PAN3: variants seen among roughly 807,000 people sequenced by gnomAD.
PAN3 encodes PAN2-PAN3 deadenylation complex subunit PAN3.
In PAN3, 19 loss-of-function variants were observed where a neutral mutation model predicts 96.2. That is an observed-to-expected ratio of 0.20 (90% CI 0.14 to 0.29). The LOEUF (loss-of-function observed/expected upper bound fraction) is 0.29, where lower values mean the gene tolerates loss of function less well. PAN3 is among the 10% of genes least tolerant of loss of function. The pLI, the probability that PAN3 is intolerant of heterozygous loss-of-function variation, is 1.00. For missense variants in PAN3, 882 were observed against 1,108.1 expected (o/e 0.80, Z 2.90); for synonymous variants, 433 against 406.6 (o/e 1.06, Z -0.78).
chr13:28,222,372 A>G (rs942833164), intron 6 of PAN3, among the ~76,000 whole-genome samples: 1 of 152,152 alleles, frequency 6.6e-6, no homozygotes, highest in Admixed American at 6.5e-5. Context: ...TGGTTATTCT[A>G]GCTCCTCTTA....
chr13:28,259,110 A>T (rs529890904), intron 7 of PAN3, among the ~76,000 whole-genome samples: 4 of 151,770 alleles, frequency 2.6e-5, no homozygotes, highest in African/African-American at 7.3e-5. Flanking sequence ...GTATCTGAAG[A>T]AATGTTTTCT....
chr13:28,169,866 G>C (rs1200917683), intron 1 of PAN3, among the ~76,000 whole-genome samples: 3 of 151,770 alleles, frequency 2.0e-5, no homozygotes, highest in Non-Finnish European at 2.9e-5. Context: ...GGCCAAGATG[G>C]TGAAACCCCA....
intron 6 of PAN3, among the ~76,000 whole-genome samples, chr13:28,233,297 C>G (rs2138449891): frequency 6.7e-6 from 1 of 148,352 alleles, no homozygotes; most frequent in South Asian, 2.1e-4. Context: ...GGCGGAGTCT[C>G]ACTCTATTGC....
chr13:28,252,217 A>G, intron 6 of PAN3, among the ~76,000 whole-genome samples: 1 of 129,038 alleles, frequency 7.7e-6, no homozygotes, highest in East Asian at 2.3e-4. Flanking sequence ...TTTTAAGATC[A>G]GGTATATTTT....
intron 3 of PAN3, 47 bp from the exon 4 acceptor site, chr13:28,177,818 G>T: frequency 1.3e-6 from 2 of 1,485,752 alleles, no homozygotes; most frequent in Non-Finnish European, 9.4e-7. Context: ...TAGATTTGCG[G>T]GTTACCCAAG....
At chr13:28,196,148 C>T (rs1293969000) in intron 4 of PAN3, among the ~76,000 whole-genome samples, 6 of 151,936 alleles carry the variant, frequency 3.9e-5, no homozygotes, top group Non-Finnish European at 8.8e-5. Context: ...CATGAGCCAC[C>T]ATGCCTGGCC....
At chr13:28,139,822 G>C (rs1869442067) in intron 1 of PAN3, among the ~76,000 whole-genome samples, 1 of 152,076 alleles carries the variant, frequency 6.6e-6, no homozygotes, top group Non-Finnish European at 1.5e-5. Context: ...CTATAGCTTT[G>C]TATCAAGCAA....
rs143979008 is a variant in PAN3 at position 28,280,478 on chromosome 13, A to T, written c.2256A>T (p.Arg752=). The T allele has an allele frequency of 6.9e-4, 1,112 of 1,609,836 alleles. 6 individuals carry two copies. Among genetic ancestry groups the T allele is most frequent in the Non-Finnish European group, 8.4e-4 (995 of 1,177,672 alleles). Residue 752 remains arginine, a synonymous_variant, in exon 16 of 19, where the codon CGA becomes CGT. Coordinates refer to ENST00000380958, the MANE Select transcript of PAN3 (RefSeq NM_175854.8). The part of the protein sequence containing the change: ...VNDIMPMIGA[R]FYTQLDAAQM... ...ACATCATGCCCATGATTGGTGCTCG[A>T]TTTTATACTCAATTGGATGCTGCTC...
At chr13:28,196,311 A>T (rs1878050258) in intron 4 of PAN3, among the ~76,000 whole-genome samples, 1 of 152,172 alleles carries the variant, frequency 6.6e-6, no homozygotes. Context: ...AAGGGAAAAA[A>T]TACATACAAG....
rs1878190229 is a variant in PAN3 at position 28,197,414 on chromosome 13, G to A, written c.852+68G>A. 1.7e-5 allele frequency: 24 copies of A among 1,441,294 alleles called. No homozygotes were observed. The South Asian group carries it at 3.0e-4, about 18-fold the overall frequency. 89.3% of individuals were successfully genotyped at this position (1,441,294 alleles called of 1,614,324 possible). A position where few individuals can be genotyped will look rare whatever the true frequency, so the allele number is the denominator to read the frequency against. ...TTGGCTGCTTTCTGTGTCTGTTTGG[G>A]GTGGTGGTTGTGAAAGGATTGGATG... On this transcript the variant is annotated intron_variant, in intron 5 of 18. Coordinates refer to ENST00000380958, the MANE Select transcript of PAN3 (RefSeq NM_175854.8).
At position 28,174,334 on chromosome 13, in the gene PAN3, A is replaced by G; in HGVS notation, c.493A>G (p.Ser165Gly). The G allele has an allele frequency of 1.2e-6, 2 of 1,612,362 alleles. No homozygotes were observed. The highest frequency in any genetic ancestry group is 1.7e-6 in the Non-Finnish European group (2 of 1,178,444). Residue 165 changes from serine (S) to glycine (G), a missense_variant, in exon 2 of 19, where the codon AGC becomes GGC. Ser to Gly is a moderately conservative substitution (Grantham distance 56). Coordinates refer to ENST00000380958, the MANE Select transcript of PAN3 (RefSeq NM_175854.8). Reference sequence around the variant, plus strand: ...TCTCACAGATTCCTATTTTAGCACCAGCTTTATTGGAGTCAATGGATTTGG... The same window carrying G: ...TCTCACAGATTCCTATTTTAGCACCGGCTTTATTGGAGTCAATGGATTTGG... ...TSLTDSYFSTSFIGVNGFGSP... is the reference protein window; with the variant it reads ...TSLTDSYFSTGFIGVNGFGSP...
chr13:28,142,335 G>A (rs1162980977), intron 1 of PAN3, among the ~76,000 whole-genome samples: 1 of 151,930 alleles, frequency 6.6e-6, no homozygotes, highest in Non-Finnish European at 1.5e-5. Flanking sequence ...GTATTGATCC[G>A]TTTATTTTAT....
At chr13:28,291,411 T>C (rs1869731113) in intron 18 of PAN3, among the ~76,000 whole-genome samples, 1 of 152,220 alleles carries the variant, frequency 6.6e-6, no homozygotes, top group Non-Finnish European at 1.5e-5. Flanking sequence ...GATCATATAC[T>C]AGCATTTACA....
rs141787278 is a variant in PAN3 at position 28,189,547 on chromosome 13, C to T, written c.691-7638C>T. Among the ~76,000 whole-genome samples the T allele has an allele frequency of 8.1e-3, 1,214 of 150,776 alleles. 10 individuals are homozygous for T. Among genetic ancestry groups the T allele is most frequent in the Middle Eastern group, 0.038 (11 of 292 alleles). On this transcript the variant is annotated intron_variant, in intron 4 of 18. Coordinates refer to ENST00000380958, the MANE Select transcript of PAN3 (RefSeq NM_175854.8). ...AAAAAAACAAAACAAAACAAAAAAACTCTCAGTGTTAAGATCAAGCTCCAA... is the reference window on the plus strand; with the variant it reads ...AAAAAAACAAAACAAAACAAAAAAATTCTCAGTGTTAAGATCAAGCTCCAA...
intron 1 of PAN3, among the ~76,000 whole-genome samples, chr13:28,164,794 A>G (rs112811531): frequency 1.5e-3 from 223 of 152,340 alleles, no homozygotes; most frequent in African/African-American, 5.1e-3. Context: ...ATTCATTAAG[A>G]GGGGTTAAGT....
intron 1 of PAN3, among the ~76,000 whole-genome samples, chr13:28,168,956 T>C (rs1474853098): frequency 6.7e-6 from 1 of 150,374 alleles, no homozygotes; most frequent in Non-Finnish European, 1.5e-5. Flanking sequence ...AGGTTGAACT[T>C]GCAGTGAGCC....
At chr13:28,286,944 G>A (rs952349023) in intron 17 of PAN3, among the ~76,000 whole-genome samples, 9 of 152,072 alleles carry the variant, frequency 5.9e-5, no homozygotes, top group African/African-American at 1.9e-4. Context: ...TCATCCTGGC[G>A]TCAAATCTGC....
At chr13:28,184,982 C>T (rs1290031646) in intron 4 of PAN3, among the ~76,000 whole-genome samples, 1 of 152,140 alleles carries the variant, frequency 6.6e-6, no homozygotes, top group African/African-American at 2.4e-5. Flanking sequence ...CTGTTTCTCT[C>T]ATACTATGTT....
intron 5 of PAN3, chr13:28,215,475 G>A: frequency 1.5e-6 from 1 of 688,810 alleles, no homozygotes; most frequent in Admixed American, 2.1e-5. Flanking sequence ...ATGTTCGTTG[G>A]GGGAGTGTTG....
Sources: gnomAD v4.1 joint callset for allele counts (sites outside exome capture counted in the v4.1 genomes callset) on GRCh38, gnomAD v4.1.1 for gene constraint, MANE v1.5 for transcripts, NCBI Gene and HGNC (gene_info 2026-07-23, HGNC 2026-07-21) for gene names.